The following CCDC18 variants were observed in gnomAD, a reference collection of about 807,000 sequenced individuals.
CCDC18 encodes the protein coiled-coil domain containing 18, also known as coiled-coil domain-containing protein 18.
A neutral mutation model predicts 196.0 loss-of-function variants in CCDC18; 157 were observed. The observed-to-expected ratio is 0.80, with a 90% CI of 0.70 to 0.91. CCDC18 has a LOEUF of 0.91. Among genes scored for constraint, CCDC18 ranks in the 40% least tolerant of loss-of-function variants. CCDC18 has a pLI of 0.00. For missense variants in CCDC18, 1,465 were observed against 1,611.6 expected (o/e 0.91, Z 1.56); for synonymous variants, 482 against 529.2 (o/e 0.91, Z 1.22).
Position 93,221,688 on chromosome 1 carries a change from T to C in CCDC18, c.2042T>C (p.Ile681Thr). The C allele has an allele frequency of 6.3e-7, 1 of 1,594,848 alleles. No individual in the cohort carries two copies. The highest frequency in any genetic ancestry group is 8.5e-7 in the Non-Finnish European group (1 of 1,174,270). The part of the protein sequence containing the change: ...KTMSMLQQDI[I>T]CKQHHLESLD... Reference sequence around the variant, plus strand: ...ATGTCCATGTTGCAACAAGATATAATATGCAAACAACATCATCTTGAATCA... The same window carrying C: ...ATGTCCATGTTGCAACAAGATATAACATGCAAACAACATCATCTTGAATCA... The change falls in exon 15 of 29, where the codon ATA becomes ACA. Residue 681 changes from isoleucine (I) to threonine (T), a missense_variant. Physicochemically the swap from Ile to Thr is moderately conservative, Grantham distance 89. Transcript: ENST00000690025.
intron 14 of CCDC18, among the ~76,000 whole-genome samples, chr1:93,220,739 G>A (rs907345680): frequency 4.6e-5 from 7 of 152,058 alleles, no homozygotes; most frequent in African/African-American, 1.7e-4. Context: ...TAGGTATTGA[G>A]CCCAGCATCC....
chr1:93,247,558 G>C (rs553112838), intron 23 of CCDC18, among the ~76,000 whole-genome samples: 1 of 152,088 alleles, frequency 6.6e-6, no homozygotes, highest in East Asian at 1.9e-4. Flanking sequence ...TGGGACTACA[G>C]GCGTGCACCA....
rs755014389 is a variant in CCDC18, at chr1:93,226,402, G to A, written c.2245G>A (p.Gly749Arg). ...ELVLHLNQLE[G>R]NKEKFEKQLK... ...TGTCTTGCATTTGAATCAATTGGAA[G>A]GAAATAAGGAAAAGTTTGAAAAACA... is the stretch of plus-strand genomic sequence containing the variant. The change falls in exon 17 of 29, where the codon GGA becomes AGA. Residue 749 changes from glycine (G) to arginine (R), a missense_variant. Coordinates refer to ENST00000690025, the MANE Select transcript of CCDC18 (RefSeq NM_001378204.1). The A allele has an allele frequency of 3.8e-6, 6 of 1,588,166 alleles. No homozygotes were observed. The highest frequency in any genetic ancestry group is 3.4e-5 in the South Asian group (3 of 89,302).
chr1:93,195,954 C>G (rs1652651236), intron 6 of CCDC18, among the ~76,000 whole-genome samples: 1 of 152,060 alleles, frequency 6.6e-6, no homozygotes, highest in African/African-American at 2.4e-5. Flanking sequence ...ATTAAAAAGC[C>G]AGTGTAAAGA....
chr1:93,229,272 G>A (rs1570465342), intron 17 of CCDC18, among the ~76,000 whole-genome samples: 1 of 152,158 alleles, frequency 6.6e-6, no homozygotes, highest in South Asian at 2.1e-4. Context: ...TTACTTAAAA[G>A]GTCATCTGTC....
At chr1:93,258,579 GTC>G (rs1557701883) in intron 25 of CCDC18, among the ~76,000 whole-genome samples, 167 bp from the exon 26 acceptor site, 1 of 152,094 alleles carries the variant, frequency 6.6e-6, no homozygotes, top group Non-Finnish European at 1.5e-5. Context: ...CCCATTAATA[GTC>G]TCTGAAATGT....
chr1:93,235,821 G>A (rs1426884538), intron 18 of CCDC18, among the ~76,000 whole-genome samples: 2 of 152,092 alleles, frequency 1.3e-5, no homozygotes, highest in African/African-American at 4.8e-5. Flanking sequence ...TAGTAGAATA[G>A]AGGAAGAATG....
intron 6 of CCDC18, among the ~76,000 whole-genome samples, chr1:93,200,871 C>T (rs1013489594): frequency 5.3e-5 from 8 of 152,144 alleles, no homozygotes; most frequent in Non-Finnish European, 1.0e-4. Context: ...AAGCACAATA[C>T]GTGGGAAGGT....
intron 4 of CCDC18, among the ~76,000 whole-genome samples, chr1:93,191,678 T>C (rs557929533): frequency 3.3e-5 from 5 of 152,350 alleles, no homozygotes; most frequent in Non-Finnish European, 5.9e-5. Context: ...TAATTGTTTA[T>C]AGTTTGATAT....
chr1:93,197,102 T>A (rs1478335461), intron 6 of CCDC18, among the ~76,000 whole-genome samples: 2 of 152,030 alleles, frequency 1.3e-5, no homozygotes, highest in African/African-American at 4.8e-5. Flanking sequence ...TGAAATAGAC[T>A]ATTGTGTGGT....
chr1:93,180,654 CG>C, upstream of CCDC18: 1 of 1,318,008 alleles, frequency 7.6e-7, no homozygotes, highest in Non-Finnish European at 1.0e-6. Flanking sequence ...GCGCCTTCGG[CG>C]GCGCCTCACG....
At chr1:93,197,972 C>T (rs764704073) in intron 6 of CCDC18, among the ~76,000 whole-genome samples, 1 of 151,904 alleles carries the variant, frequency 6.6e-6, no homozygotes, top group Non-Finnish European at 1.5e-5. Context: ...AGGATGATCT[C>T]AATCTCCTGA....
intron 17 of CCDC18, 31 bp from the exon 18 acceptor site, chr1:93,232,395 G>T: frequency 7.6e-7 from 1 of 1,323,788 alleles, no homozygotes; most frequent in Non-Finnish European, 1.1e-6. Flanking sequence ...ACATTGCATT[G>T]TATTGAGAGA....
intron 19 of CCDC18, among the ~76,000 whole-genome samples, chr1:93,237,110 C>CA (rs1557671680): frequency 6.6e-6 from 1 of 152,186 alleles, no homozygotes; most frequent in Non-Finnish European, 1.5e-5. Context: ...CACATGTCCC[C>CA]AGGTTCCCTC....
chr1:93,209,027 T>C (rs533374331), intron 9 of CCDC18, among the ~76,000 whole-genome samples: 10 of 152,284 alleles, frequency 6.6e-5, no homozygotes, highest in African/African-American at 2.4e-4. Flanking sequence ...GGCGAGATCT[T>C]GGCGCACTGC....
intron 17 of CCDC18, among the ~76,000 whole-genome samples, chr1:93,228,462 AC>A (rs1658737562): frequency 2.0e-5 from 3 of 151,432 alleles, no homozygotes; most frequent in Non-Finnish European, 4.4e-5. Flanking sequence ...GTTGACCAGC[AC>A]TCCAGACTTA....
chr1:93,209,830 A>C (rs1425015450), intron 9 of CCDC18, among the ~76,000 whole-genome samples: 1 of 152,208 alleles, frequency 6.6e-6, no homozygotes, highest in Non-Finnish European at 1.5e-5. Flanking sequence ...TGGCAGGCCA[A>C]GGTGAGAGGA....
intron 17 of CCDC18, among the ~76,000 whole-genome samples, chr1:93,230,447 G>A (rs1286510843): frequency 6.6e-6 from 1 of 150,854 alleles, no homozygotes; most frequent in South Asian, 2.1e-4. Context: ...AGCCGAGATC[G>A]CATCACTGCA....
At position 93,256,532 on chromosome 1, in the gene CCDC18, A is replaced by G. The variant is rs185131828; in HGVS notation, c.3540A>G (p.Lys1180=). The change falls in exon 25 of 29, where the codon AAA becomes AAG. Residue 1180 remains lysine (K), a synonymous_variant. Transcript: ENST00000690025. ...SELEDMKQLS[K]EKDAHGNHLA... is the part of the protein sequence containing the mutation. ...TGGAGGATATGAAGCAACTCTCTAA[A>G]GAGAAAGTAATCCCTATTTTAAATA... The G allele has an allele frequency of 8.7e-6, 14 of 1,609,226 alleles. No individual in the cohort carries two copies. The highest frequency in any genetic ancestry group is 1.2e-5 in the Non-Finnish European group (14 of 1,175,896).
Sources: allele counts gnomAD v4.1 joint callset (sites outside exome capture counted in the v4.1 genomes callset), GRCh38; gene constraint gnomAD v4.1.1; transcripts MANE v1.5; gene names NCBI Gene and HGNC (gene_info 2026-07-23, HGNC 2026-07-21).